Variants in SLC60A2 observed in about 807,000 individuals in gnomAD.
The protein encoded by SLC60A2 is solute carrier family 60 member 2, also known as major facilitator superfamily domain containing 4B.
At chr6:111,269,788 T>C in the SLC60A2 span, 3 of 152,190 alleles carry the variant, frequency 2.0e-5, no homozygotes, top group African/African-American at 7.2e-5. Context: ...CATGAGATCA[T>C]AGGGCATTGT....
chr6:111,266,121 G>C, the SLC60A2 span: 1 of 1,614,180 alleles, frequency 6.2e-7, no homozygotes, highest in Admixed American at 1.7e-5. Flanking sequence ...GTGGGCTTAT[G>C]CTGTTATCGG....
the SLC60A2 span, chr6:111,265,269 A>G: frequency 1.0e-6 from 1 of 980,640 alleles, no homozygotes; most frequent in Non-Finnish European, 1.2e-6. Flanking sequence ...TATCTGTTGA[A>G]AAAAAAGAAG....
the SLC60A2 span, among the ~76,000 whole-genome samples, chr6:111,271,814 T>C: frequency 3.1e-5 from 1 of 32,294 alleles, no homozygotes; most frequent in Admixed American, 3.8e-4. Flanking sequence ...AAAGTACAAA[T>C]AGTTAGCCAG....
the SLC60A2 span, among the ~76,000 whole-genome samples, chr6:111,264,616 A>T: frequency 6.6e-6 from 1 of 151,812 alleles, no homozygotes; most frequent in East Asian, 1.9e-4. Context: ...ATGAAACCTC[A>T]TCTCTACTAA....
chr6:111,277,313 C>T, the SLC60A2 span, among the ~76,000 whole-genome samples: 5 of 152,232 alleles, frequency 3.3e-5, no homozygotes, highest in Admixed American at 6.5e-5. Flanking sequence ...TTTGGAAGAG[C>T]GTGTTAGACA....
chr6:111,266,819 CAG>C, the SLC60A2 span: 2 of 1,613,858 alleles, frequency 1.2e-6, no homozygotes, highest in Non-Finnish European at 1.7e-6. Flanking sequence ...GAAAAGAAGA[CAG>C]AAAGAGTGAG....
the SLC60A2 span, chr6:111,263,821 C>T: frequency 1.3e-6 from 2 of 1,491,934 alleles, no homozygotes; most frequent in African/African-American, 1.4e-5. Context: ...TGAGTTTCTA[C>T]CTTCCCAGGA....
At chr6:111,261,599 A>C in the SLC60A2 span, among the ~76,000 whole-genome samples, 183 of 151,360 alleles carry the variant, frequency 1.2e-3, no homozygotes, top group Middle Eastern at 0.01. Flanking sequence ...TAATTAATTA[A>C]TTTATTCTTT....
chr6:111,266,576 G>A, the SLC60A2 span: 99 of 1,614,020 alleles, frequency 6.1e-5, no homozygotes, highest in African/African-American at 2.4e-4. Flanking sequence ...CCACATTTCC[G>A]AGTGGTGTTT....
the SLC60A2 span, among the ~76,000 whole-genome samples, chr6:111,263,112 G>A: frequency 3.3e-5 from 5 of 151,996 alleles, no homozygotes; most frequent in African/African-American, 4.8e-5. Flanking sequence ...TAATTTTTGT[G>A]TTTTTAGTAG....
chr6:111,260,652 G>T, the SLC60A2 span, among the ~76,000 whole-genome samples: 9 of 152,116 alleles, frequency 5.9e-5, no homozygotes, highest in Non-Finnish European at 1.3e-4. Flanking sequence ...GAGTTGAGAG[G>T]ATGAGTCCTC....
the SLC60A2 span, chr6:111,265,904 G>T: frequency 2.5e-6 from 4 of 1,611,334 alleles, no homozygotes; most frequent in East Asian, 4.5e-5. Flanking sequence ...TGGCTATTTG[G>T]GGGGACAAAG....
At chr6:111,276,655 A>G in the SLC60A2 span, among the ~76,000 whole-genome samples, 151 of 152,312 alleles carry the variant, frequency 9.9e-4, 1 homozygote, top group South Asian at 0.031. Context: ...TAGCAGGTAC[A>G]GCTTTGATCT....
the SLC60A2 span, chr6:111,265,890 A>G: frequency 6.2e-7 from 1 of 1,609,488 alleles, no homozygotes; most frequent in Non-Finnish European, 8.5e-7. Flanking sequence ...TAACGTCCTT[A>G]TCTTGGCTAT....
At chr6:111,268,102 A>G in the SLC60A2 span, 1 of 152,252 alleles carries the variant, frequency 6.6e-6, no homozygotes, top group Non-Finnish European at 1.5e-5. Flanking sequence ...AATGTCTGCT[A>G]GAAATTAGTA....
the SLC60A2 span, chr6:111,262,491 T>A: frequency 1.4e-6 from 2 of 1,470,216 alleles, no homozygotes; most frequent in Non-Finnish European, 1.9e-6. Flanking sequence ...TCTTTGAAAA[T>A]ATGAAAATAC....
At chr6:111,259,798 C>G in the SLC60A2 span, 2 of 1,445,650 alleles carry the variant, frequency 1.4e-6, no homozygotes, top group African/African-American at 1.4e-5. Context: ...GCAAACTGAC[C>G]TTGGGCGCGT....
the SLC60A2 span, among the ~76,000 whole-genome samples, chr6:111,275,731 T>G: frequency 3.9e-5 from 6 of 152,194 alleles, no homozygotes; most frequent in African/African-American, 1.4e-4. Flanking sequence ...TTGTTGAGAT[T>G]ATACGATGCT....
chr6:111,273,083 G>A, the SLC60A2 span, among the ~76,000 whole-genome samples: 1 of 152,124 alleles, frequency 6.6e-6, no homozygotes, highest in Non-Finnish European at 1.5e-5. Flanking sequence ...CACTTGCCTC[G>A]GGTCAGAGAA....
Sources: gnomAD v4.1 joint callset for allele counts (sites outside exome capture counted in the v4.1 genomes callset) on GRCh38, gnomAD v4.1.1 for gene constraint, MANE v1.5 for transcripts, NCBI Gene and HGNC (gene_info 2026-07-23, HGNC 2026-07-21) for gene names.